The following RPTOR variants were observed in gnomAD, a reference collection of about 807,000 sequenced individuals.
The protein encoded by RPTOR is regulatory-associated protein of mTOR.
In RPTOR, 21 loss-of-function variants were observed where a neutral mutation model predicts 169.9. The observed-to-expected ratio is 0.12, with a 90% CI of 0.09 to 0.18. The LOEUF (loss-of-function observed/expected upper bound fraction) is 0.18. RPTOR is among the 10% of genes least tolerant of loss of function. The pLI, the probability that RPTOR is intolerant of heterozygous loss-of-function variation, is 1.00. For missense variants in RPTOR, 1,133 were observed against 1,855.9 expected, an observed-to-expected ratio of 0.61 and a Z score of 7.16; for synonymous variants, 732 against 753.2, an observed-to-expected ratio of 0.97 and a Z score of 0.46.
rs150641670 is a variant in RPTOR at position 80,558,250 on chromosome 17, A to C, written c.162+12459A>C. 2.7e-3 allele frequency among the ~76,000 whole-genome samples: 416 copies of C among 152,294 alleles called. 1 individual carries two copies. The highest frequency in any genetic ancestry group is 9.5e-3 in the African/African-American group (393 of 41,572). On this transcript the variant is annotated intron_variant, in intron 1 of 33. Transcript: ENST00000306801. The stretch of plus-strand genomic sequence containing the variant: ...AGGGAGGTCAAGGCTGCAGTGAGCT[A>C]TGATGGTGTCACTGCCCTCCAGACT...
In RPTOR at chr17:80,746,774, G is replaced by A. The variant is rs1228237773; in HGVS notation, c.655-7236G>A. Among the ~76,000 whole-genome samples the A allele has an allele frequency of 6.6e-6, 1 of 152,082 alleles. No homozygotes were observed. The highest frequency in any genetic ancestry group is 6.5e-5 in the Admixed American group (1 of 15,272). ...TCTGAAAGATAGTTTCAATTACGGG[G>A]TCAATATCTTAGGTAGATGCAAAAC... On this transcript the variant is annotated intron_variant, in intron 5 of 33. Coordinates refer to ENST00000306801, the MANE Select transcript of RPTOR (RefSeq NM_020761.3). The surrounding 1 kb of genome is among the most constrained non-coding windows in gnomAD (Gnocchi z 4.5).
At chr17:80,908,765 T>C (rs2068575646) in intron 20 of RPTOR, 46 bp from the exon 21 acceptor site, 2 of 1,405,816 alleles carry the variant, frequency 1.4e-6, no homozygotes, top group South Asian at 1.2e-5. Context: ...AGGAGCCTCA[T>C]TGGCAGCTAC....
intron 1 of RPTOR, among the ~76,000 whole-genome samples, chr17:80,564,084 A>G (rs2084540683): frequency 6.8e-6 from 1 of 146,752 alleles, no homozygotes; most frequent in African/African-American, 2.5e-5. Flanking sequence ...TTTTTTGGAG[A>G]CGGAGTCTCG....
chr17:80,874,089 T>TTTGAAAAAGA (rs2068079970), intron 13 of RPTOR, among the ~76,000 whole-genome samples: 1 of 152,182 alleles, frequency 6.6e-6, no homozygotes, highest in Non-Finnish European at 1.5e-5. Context: ...TTAGGACAGG[T>TTTGAAAAAGA]TTGAAAAAGA....
chr17:80,910,422 T>A (rs1480264846), intron 21 of RPTOR, among the ~76,000 whole-genome samples: 1 of 152,200 alleles, frequency 6.6e-6, no homozygotes. Flanking sequence ...CACTTAAAAA[T>A]TTTTTGGTAA....
chr17:80,896,685 C>G (rs926918396), intron 20 of RPTOR, among the ~76,000 whole-genome samples: 5 of 152,202 alleles, frequency 3.3e-5, no homozygotes, highest in African/African-American at 1.2e-4. Context: ...CTTTGCTCTG[C>G]TGTATACATT....
chr17:80,631,500 T>C (rs1336538362), intron 2 of RPTOR, among the ~76,000 whole-genome samples: 2 of 152,158 alleles, frequency 1.3e-5, no homozygotes, highest in Non-Finnish European at 2.9e-5. Context: ...AGATGGGCTG[T>C]GCATGTGCCC....
intron 4 of RPTOR, among the ~76,000 whole-genome samples, chr17:80,720,970 G>T (rs969286871): frequency 1.3e-5 from 2 of 151,084 alleles, no homozygotes; most frequent in Non-Finnish European, 2.9e-5. Context: ...TTACGTGTCG[G>T]GAGAGACACT....
At chr17:80,791,025 T>C (rs1443824642) in intron 6 of RPTOR, among the ~76,000 whole-genome samples, 3 of 152,156 alleles carry the variant, frequency 2.0e-5, no homozygotes, top group Admixed American at 1.3e-4. Flanking sequence ...ATAATTGAAT[T>C]TGCATTTCTT....
At chr17:80,864,193 T>C (rs557860816) in intron 13 of RPTOR, among the ~76,000 whole-genome samples, 13 of 152,282 alleles carry the variant, frequency 8.5e-5, no homozygotes, top group Non-Finnish European at 1.6e-4. Flanking sequence ...CATATCGCAA[T>C]CAAATTACTT....
chr17:80,933,724 C>G (rs912899671), intron 24 of RPTOR, among the ~76,000 whole-genome samples: 1 of 152,208 alleles, frequency 6.6e-6, no homozygotes, highest in Non-Finnish European at 1.5e-5. Flanking sequence ...CATAGCTGCA[C>G]TAATTAAGAT....
At chr17:80,584,585 T>C (rs2065043417) in intron 1 of RPTOR, among the ~76,000 whole-genome samples, 1 of 152,188 alleles carries the variant, frequency 6.6e-6, no homozygotes, top group Non-Finnish European at 1.5e-5. Flanking sequence ...CATGTCTCAA[T>C]AAAATGGCAG....
intron 9 of RPTOR, among the ~76,000 whole-genome samples, chr17:80,825,877 G>A (rs111620908): frequency 2.2e-4 from 34 of 152,274 alleles, no homozygotes; most frequent in African/African-American, 6.5e-4. Flanking sequence ...TTTCGGGCGC[G>A]TTCTTCTCCT....
chr17:80,788,592 A>G (rs1292614067), intron 6 of RPTOR, among the ~76,000 whole-genome samples: 5 of 152,054 alleles, frequency 3.3e-5, no homozygotes, highest in African/African-American at 1.2e-4. Flanking sequence ...TTTGAATGTG[A>G]TCTACTCTTT....
intron 17 of RPTOR, among the ~76,000 whole-genome samples, chr17:80,889,048 G>T (rs2068283780): frequency 6.6e-6 from 1 of 152,214 alleles, no homozygotes; most frequent in Admixed American, 6.5e-5. Flanking sequence ...GGAGGGGTTT[G>T]GGGGCAGGAC....
chr17:80,615,509 A>G (rs1219055916), intron 1 of RPTOR, among the ~76,000 whole-genome samples: 1 of 152,156 alleles, frequency 6.6e-6, no homozygotes. Context: ...GGAACTACAG[A>G]TGGCAGATGT....
Position 80,754,000 on chromosome 17 carries a change from T to G in RPTOR, c.655-10T>G. 6.2e-7 allele frequency: 1 copy of G among 1,609,178 alleles called. No homozygotes were observed. Among genetic ancestry groups the G allele is most frequent in the Non-Finnish European group, 8.5e-7 (1 of 1,176,064 alleles). On this transcript the variant is annotated splice_polypyrimidine_tract_variant and intron_variant, in intron 5 of 33. Coordinates refer to ENST00000306801, the MANE Select transcript of RPTOR (RefSeq NM_020761.3). ...TCACACTCTCTTTTCCCGAATGTTC[T>G]GCCCTTCAGGTAGCTGCAATCAACC...
At chr17:80,605,470 C>T (rs1464239432) in intron 1 of RPTOR, among the ~76,000 whole-genome samples, 10 of 152,090 alleles carry the variant, frequency 6.6e-5, no homozygotes, top group Admixed American at 3.3e-4. Flanking sequence ...AGGGTTTTTC[C>T]GTTACTGTGT....
In RPTOR at chr17:80,754,510, C is replaced by A. The variant is rs1478353027; in HGVS notation, c.830+325C>A. Among the ~76,000 whole-genome samples the A allele has an allele frequency of 6.6e-6, 1 of 152,152 alleles. No homozygotes were observed. The highest frequency in any genetic ancestry group is 6.5e-5 in the Admixed American group (1 of 15,282). ...TCATACTGGAAACTGGACTTTCTTTCAGGGGAAGAAAAGGCTGTTATGAAA... is the reference window on the plus strand; with the variant it reads ...TCATACTGGAAACTGGACTTTCTTTAAGGGGAAGAAAAGGCTGTTATGAAA... On this transcript the variant is annotated intron_variant, in intron 6 of 33. Transcript: ENST00000306801. This position sits in a 1 kb window ranked among gnomAD's most constrained non-coding sequence, Gnocchi z 4.2.
Sources: gnomAD v4.1 joint callset for allele counts (sites outside exome capture counted in the v4.1 genomes callset) on GRCh38, gnomAD v4.1.1 for gene constraint, Gnocchi (gnomAD v3.1) non-coding constraint, MANE v1.5 for transcripts, NCBI Gene and HGNC (gene_info 2026-07-23, HGNC 2026-07-21) for gene names.